Variants in ST18 observed in about 807,000 individuals in gnomAD.
ST18 encodes ST18 C2H2C-type zinc finger transcription factor.
Under a neutral mutation model 110.0 loss-of-function variants are expected in ST18, and 50 were observed. That is an observed-to-expected ratio of 0.45 (90% CI 0.36 to 0.58). ST18 has a LOEUF of 0.58. Among genes scored for constraint, ST18 ranks in the 20% least tolerant of loss-of-function variants. The probability of loss-of-function intolerance (pLI) is 0.00; values close to 1 mark genes in which losing one functional copy is unlikely to be tolerated. For synonymous variants in ST18, 461 were observed against 452.4 expected (o/e 1.02, Z -0.24); for missense variants, 1,306 against 1,280.1 (o/e 1.02, Z -0.31).
rs2040882874 is a variant in ST18, at chr8:52,112,714, G to A, written c.*484C>T. 6.5e-6 allele frequency: 1 copy of A among 152,834 alleles called. No individual in the cohort carries two copies. Among genetic ancestry groups the A allele is most frequent in the Non-Finnish European group, 1.5e-5 (1 of 68,278 alleles). The allele number at this position is 152,834 out of a possible 1,614,324, so 9.5% of individuals were successfully genotyped here. Reference sequence around the variant, plus strand: ...CAACTATAGTGCAGTCCTTAGACAAGGATTTCCTTCACCCTTTCCTGTTTC... The same window carrying A: ...CAACTATAGTGCAGTCCTTAGACAAAGATTTCCTTCACCCTTTCCTGTTTC... On this transcript the variant is annotated 3_prime_UTR_variant, in exon 26 of 26. Transcript: ENST00000689386.
chr8:52,112,798 T>G lies in ST18; in HGVS notation c.*400A>C, dbSNP rs1475486109. ...AATAGCATTTCTATTTAAATCCTAT[T>G]GGAAAATAAATTAATAAACACACTT... On this transcript the variant is annotated 3_prime_UTR_variant, in exon 26 of 26. Transcript: ENST00000689386. 1.3e-5 allele frequency: 2 copies of G among 154,402 alleles called. No individual in the cohort carries two copies. The highest frequency in any genetic ancestry group is 1.3e-4 in the Admixed American group (2 of 15,348). 9.6% of individuals were successfully genotyped at this position (154,402 alleles called of 1,614,324 possible).
intron 3 of ST18, among the ~76,000 whole-genome samples, chr8:52,224,216 G>A: frequency 6.6e-6 from 1 of 152,110 alleles, no homozygotes; most frequent in East Asian, 1.9e-4. Flanking sequence ...TTATAGTCAA[G>A]TTTGCATAAC....
chr8:52,181,759 T>C (rs140207701), intron 8 of ST18, among the ~76,000 whole-genome samples: 36 of 152,272 alleles, frequency 2.4e-4, no homozygotes, highest in Non-Finnish European at 4.0e-4. Context: ...TGGACTGCTC[T>C]GCTCATTTGT....
intron 2 of ST18, among the ~76,000 whole-genome samples, chr8:52,251,203 C>T (rs979190318): frequency 6.6e-6 from 1 of 152,016 alleles, no homozygotes; most frequent in African/African-American, 2.4e-5. Context: ...GTTTTTTGAA[C>T]CTTGAAACCT....
In ST18 at chr8:52,166,928, C is replaced by T. The variant is rs750072593; in HGVS notation, c.1128G>A (p.Thr376=). 1.6e-5 allele frequency: 26 copies of T among 1,612,412 alleles called. No individual in the cohort carries two copies. The highest frequency in any genetic ancestry group is 5.0e-5 in the Admixed American group (3 of 59,966). The change falls in exon 11 of 26, where the codon ACG becomes ACA. Residue 376 remains threonine (T), a synonymous_variant. Transcript: ENST00000689386. Reference sequence around the variant, plus strand: ...GCGGGTAGAGCCCTGTCACGTGTCCCGTGCCATCACATCCAGGGATCGGGC... The same window carrying T: ...GCGGGTAGAGCCCTGTCACGTGTCCTGTGCCATCACATCCAGGGATCGGGC... ...TKCPIPGCDG[T]GHVTGLYPHH... is the part of the protein sequence containing the mutation.
chr8:52,222,461 C>G (rs2087213297), intron 3 of ST18, among the ~76,000 whole-genome samples: 1 of 152,206 alleles, frequency 6.6e-6, no homozygotes, highest in Admixed American at 6.5e-5. Flanking sequence ...CCGTGGCTCC[C>G]CTCCCTGGGG....
chr8:52,183,771 C>T (rs567333844), intron 8 of ST18, among the ~76,000 whole-genome samples: 19 of 152,296 alleles, frequency 1.2e-4, no homozygotes, highest in South Asian at 2.1e-4. Context: ...CTCCCTGGCA[C>T]GCTACAGAGA....
intron 8 of ST18, among the ~76,000 whole-genome samples, chr8:52,190,879 G>A (rs73681225): frequency 0.045 from 6,805 of 152,228 alleles, 509 homozygotes; most frequent in African/African-American, 0.15. Flanking sequence ...ACGAAGATTC[G>A]GGGCACACCA....
chr8:52,384,685 A>G (rs942269227), intron 2 of ST18, among the ~76,000 whole-genome samples: 1 of 152,030 alleles, frequency 6.6e-6, no homozygotes, highest in Admixed American at 6.5e-5. Context: ...TAATTTAAGT[A>G]TTGCTTCTTC....
chr8:52,224,976 T>G (rs1371233685), intron 3 of ST18, among the ~76,000 whole-genome samples: 1 of 152,200 alleles, frequency 6.6e-6, no homozygotes, highest in Non-Finnish European at 1.5e-5. Context: ...ATGGCAACTC[T>G]CATAGGCTCC....
chr8:52,178,423 T>C (rs1205252001), intron 9 of ST18, among the ~76,000 whole-genome samples: 1 of 151,536 alleles, frequency 6.6e-6, no homozygotes, highest in Non-Finnish European at 1.5e-5. Flanking sequence ...GGTCAGGAGT[T>C]TGAGACCAGC....
chr8:52,386,768 C>A (rs1241257848), intron 2 of ST18, among the ~76,000 whole-genome samples: 1 of 152,014 alleles, frequency 6.6e-6, no homozygotes, highest in Non-Finnish European at 1.5e-5. Flanking sequence ...GTCAAATGTG[C>A]CAGTCAAAGC....
intron 2 of ST18, among the ~76,000 whole-genome samples, chr8:52,275,521 A>G (rs1360221966): frequency 6.6e-6 from 1 of 152,240 alleles, no homozygotes. Context: ...TTTCTTCATT[A>G]TGAAATGCAA....
chr8:52,238,355 A>G (rs1025235094), intron 2 of ST18, among the ~76,000 whole-genome samples: 1 of 152,228 alleles, frequency 6.6e-6, no homozygotes, highest in Admixed American at 6.5e-5. Flanking sequence ...TAGTATATCC[A>G]ATCTGTGGAA....
At chr8:52,210,587 G>A (rs1190012273) in intron 8 of ST18, among the ~76,000 whole-genome samples, 1 of 152,094 alleles carries the variant, frequency 6.6e-6, no homozygotes, top group Non-Finnish European at 1.5e-5. Flanking sequence ...GAGCCCAGGA[G>A]TTTTAGGCTG....
intron 2 of ST18, chr8:52,407,332 A>T (rs185775115): frequency 1.3e-4 from 20 of 152,344 alleles, no homozygotes; most frequent in Non-Finnish European, 1.0e-4. Context: ...AAACAATGTG[A>T]TATCATTTTG....
chr8:52,287,739 C>T (rs181155026), intron 2 of ST18, among the ~76,000 whole-genome samples: 203 of 152,282 alleles, frequency 1.3e-3, no homozygotes, highest in Middle Eastern at 3.4e-3. Context: ...TAAGTTTTTC[C>T]GCTCACCCAG....
intron 2 of ST18, among the ~76,000 whole-genome samples, chr8:52,367,444 A>G (rs1441275014): frequency 6.6e-6 from 1 of 152,146 alleles, no homozygotes; most frequent in Non-Finnish European, 1.5e-5. Context: ...CTTAAAAATT[A>G]AAAAATTTAA....
chr8:52,246,316 TAAATCCCAAAAGGGCAAAA>T (rs532005632), intron 2 of ST18, among the ~76,000 whole-genome samples: 25 of 151,952 alleles, frequency 1.6e-4, no homozygotes, highest in South Asian at 6.2e-4. Context: ...ACTTATGAAA[TAAATCCCAAAAGGGCAAAA>T]AAATTTTTAA....
Sources: allele counts gnomAD v4.1 joint callset (sites outside exome capture counted in the v4.1 genomes callset), GRCh38; gene constraint gnomAD v4.1.1; transcripts MANE v1.5; gene names NCBI Gene and HGNC (gene_info 2026-07-23, HGNC 2026-07-21).